Variants in LRP1B observed in about 807,000 individuals in gnomAD.
The protein encoded by LRP1B is LDL receptor related protein 1B, also known as low-density lipoprotein receptor-related protein 1B.
Under a neutral mutation model 556.6 loss-of-function variants are expected in LRP1B, and 217 were observed. That is an observed-to-expected ratio of 0.39 (90% CI 0.35 to 0.44). The LOEUF (loss-of-function observed/expected upper bound fraction) is 0.44. Ranked by LOEUF, LRP1B falls within the 20% of genes least tolerant of loss-of-function variation. LRP1B has a pLI of 1.00. For missense variants in LRP1B, 5,053 were observed against 5,620.8 expected (o/e 0.90, Z 3.23); for synonymous variants, 2,047 against 1,865.8 (o/e 1.10, Z -2.50).
At chr2:140,323,802 A>ACATAG in intron 81 of LRP1B, 91 bp downstream of exon 81, 4 of 637,568 alleles carry the variant, frequency 6.3e-6, no homozygotes, top group Non-Finnish European at 1.0e-5. Context: ...TAAGACATTT[A>ACATAG]CATAGTTAAG....
At chr2:141,647,937 A>C (rs1298062068) in intron 2 of LRP1B, among the ~76,000 whole-genome samples, 1 of 152,026 alleles carries the variant, frequency 6.6e-6, no homozygotes, top group Non-Finnish European at 1.5e-5. Flanking sequence ...ATAAGAAAAA[A>C]AATTTTTTAA....
intron 1 of LRP1B, among the ~76,000 whole-genome samples, chr2:142,073,470 A>C (rs1256364577): frequency 2.6e-5 from 4 of 152,024 alleles, no homozygotes; most frequent in Non-Finnish European, 5.9e-5. Flanking sequence ...TCAATAACTA[A>C]ATTTCTAATA....
At chr2:142,099,058 C>T (rs541612730) in intron 1 of LRP1B, among the ~76,000 whole-genome samples, 2 of 151,850 alleles carry the variant, frequency 1.3e-5, no homozygotes, top group Non-Finnish European at 2.9e-5. Flanking sequence ...TGCATTTCTG[C>T]CTGAAAACAT....
chr2:141,652,543 T>C (rs1689837384), intron 2 of LRP1B, among the ~76,000 whole-genome samples: 1 of 152,202 alleles, frequency 6.6e-6, no homozygotes, highest in South Asian at 2.1e-4. Context: ...GTAGGCTTCA[T>C]ACTAAGACAG....
rs375915617 is a variant in LRP1B, at chr2:140,355,253, A to C, written c.11530+1089T>G. Reference sequence around the variant, plus strand: ...AATATTAGAAAATAAATGTTATTGAAATTAAAATATTGAAAGAATTGTGTG... The same window carrying C: ...AATATTAGAAAATAAATGTTATTGACATTAAAATATTGAAAGAATTGTGTG... On this transcript the variant is annotated intron_variant, in intron 75 of 90. Coordinates refer to ENST00000389484, the MANE Select transcript of LRP1B (RefSeq NM_018557.3). Among the ~76,000 whole-genome samples, 48 of 152,014 alleles carry C rather than the reference A, an allele frequency of 3.2e-4. 1 individual carries two copies. In the East Asian group the frequency reaches 8.9e-3, roughly 28 times the overall value.
At chr2:141,520,768 A>G (rs1217717636) in intron 2 of LRP1B, among the ~76,000 whole-genome samples, 28 of 152,086 alleles carry the variant, frequency 1.8e-4, no homozygotes, top group Admixed American at 1.8e-3. Context: ...ACAATAACAC[A>G]CCTTCAAGAG....
At chr2:141,382,077 A>T (rs1490563639) in intron 3 of LRP1B, among the ~76,000 whole-genome samples, 1 of 152,138 alleles carries the variant, frequency 6.6e-6, no homozygotes, top group Non-Finnish European at 1.5e-5. Flanking sequence ...GCTACCACCT[A>T]ATTTTGTCTT....
chr2:141,670,101 A>G (rs534952338), intron 2 of LRP1B, among the ~76,000 whole-genome samples: 2 of 152,242 alleles, frequency 1.3e-5, no homozygotes, highest in Admixed American at 1.3e-4. Context: ...AAAAACCTCA[A>G]TGTATTTATT....
At chr2:140,418,049 A>G (rs2105260464) in intron 66 of LRP1B, among the ~76,000 whole-genome samples, 1 of 152,306 alleles carries the variant, frequency 6.6e-6, no homozygotes. Context: ...GCGACACAGA[A>G]TGGGATGCAA....
chr2:141,810,927 C>CT (rs1008844575), intron 1 of LRP1B, among the ~76,000 whole-genome samples: 34 of 149,488 alleles, frequency 2.3e-4, no homozygotes, highest in Admixed American at 1.2e-3. Context: ...ACAGTATTTT[C>CT]TTTTTTTTTT....
chr2:141,307,698 C>T (rs1278164309), intron 3 of LRP1B, among the ~76,000 whole-genome samples: 1 of 152,016 alleles, frequency 6.6e-6, no homozygotes, highest in South Asian at 2.1e-4. Context: ...TCCTTGGGCC[C>T]CAGTGATGAC....
intron 3 of LRP1B, among the ~76,000 whole-genome samples, chr2:141,451,347 A>G (rs1316752992): frequency 6.6e-6 from 1 of 152,208 alleles, no homozygotes; most frequent in Admixed American, 6.5e-5. Context: ...AAAGCTCAGT[A>G]TTGAAAAAGA....
intron 60 of LRP1B, among the ~76,000 whole-genome samples, chr2:140,464,988 G>A (rs1687483555): frequency 6.6e-6 from 1 of 152,150 alleles, no homozygotes; most frequent in South Asian, 2.1e-4. Context: ...GACCATTCTG[G>A]CATTTCTACA....
At chr2:140,455,598 G>A (rs1289053319) in intron 62 of LRP1B, among the ~76,000 whole-genome samples, 1 of 152,080 alleles carries the variant, frequency 6.6e-6, no homozygotes, top group East Asian at 1.9e-4. Flanking sequence ...AGTTCTAATT[G>A]TTGTTATTTA....
intron 2 of LRP1B, among the ~76,000 whole-genome samples, chr2:141,537,168 ATGGATTCTTT>A (rs1685095398): frequency 6.6e-6 from 1 of 152,102 alleles, no homozygotes; most frequent in Non-Finnish European, 1.5e-5. Context: ...TGAGTACAGC[ATGGATTCTTT>A]TGGATGTAAT....
chr2:141,310,027 C>T (rs965851586), intron 3 of LRP1B, among the ~76,000 whole-genome samples: 2 of 152,042 alleles, frequency 1.3e-5, no homozygotes, highest in African/African-American at 2.4e-5. Context: ...GTTAAGGCAG[C>T]CTTGAGGGAC....
At chr2:141,642,968 G>A (rs1272845944) in intron 2 of LRP1B, among the ~76,000 whole-genome samples, 1 of 152,080 alleles carries the variant, frequency 6.6e-6, no homozygotes, top group Non-Finnish European at 1.5e-5. Flanking sequence ...CGAGACCAAT[G>A]TGAACTCTAC....
chr2:140,469,911 C>A (rs1032591528), intron 60 of LRP1B, among the ~76,000 whole-genome samples: 16 of 152,130 alleles, frequency 1.1e-4, no homozygotes, highest in African/African-American at 3.1e-4. Context: ...CCCTTGCTGG[C>A]AAATGGCTTT....
At position 141,418,494 on chromosome 2, in the gene LRP1B, C is replaced by A. The variant is rs553743816; in HGVS notation, c.343+61902G>T. Among the ~76,000 whole-genome samples the A allele has an allele frequency of 2.0e-5, 3 of 150,674 alleles. No individual in the cohort carries two copies. In the South Asian group the frequency reaches 6.3e-4, roughly 31 times the overall value. On this transcript the variant is annotated intron_variant, in intron 3 of 90. Transcript: ENST00000389484. The stretch of plus-strand genomic sequence containing the variant: ...CAACATCATTTGTTGAAGAGGCTAC[C>A]CTTTCCTCATTGTCCAGTTTGGGCA...
Sources: allele counts gnomAD v4.1 joint callset (sites outside exome capture counted in the v4.1 genomes callset), GRCh38; gene constraint gnomAD v4.1.1; transcripts MANE v1.5; gene names NCBI Gene and HGNC (gene_info 2026-07-23, HGNC 2026-07-21).